Variants in IL19 observed in about 807,000 individuals in gnomAD.
IL19 encodes the protein interleukin 19.
Under a neutral mutation model 19.5 loss-of-function variants are expected in IL19, and 15 were observed. That is an observed-to-expected ratio of 0.77 (90% CI 0.52 to 1.19). The LOEUF (loss-of-function observed/expected upper bound fraction) is 1.19. IL19 is among the 50% of genes most tolerant of loss of function. The pLI, the probability that IL19 is intolerant of heterozygous loss-of-function variation, is 0.00. For synonymous variants in IL19, 78 were observed against 78.3 expected, an observed-to-expected ratio of 1.00 and a Z score of 0.02; for missense variants, 199 against 213.1, an observed-to-expected ratio of 0.93 and a Z score of 0.41.
intron 2 of IL19, chr1:206,828,974 A>G (rs1376451577): frequency 2.0e-5 from 3 of 149,582 alleles, no homozygotes; most frequent in Non-Finnish European, 4.4e-5. Context: ...ACAGGTGTGC[A>G]TGAGGACTAC....
intron 2 of IL19, among the ~76,000 whole-genome samples, chr1:206,819,104 C>T (rs896128592): frequency 6.6e-6 from 1 of 151,904 alleles, no homozygotes; most frequent in Non-Finnish European, 1.5e-5. Context: ...AGCCACCACA[C>T]CCAGCTTATT....
chr1:206,802,104 A>G (rs2102461658), intron 2 of IL19, among the ~76,000 whole-genome samples: 1 of 152,334 alleles, frequency 6.6e-6, no homozygotes. Context: ...TGCATCAGTG[A>G]ATGCACCAGG....
intron 2 of IL19, among the ~76,000 whole-genome samples, chr1:206,823,669 A>T (rs372318449): frequency 6.6e-6 from 1 of 151,872 alleles, no homozygotes; most frequent in Non-Finnish European, 1.5e-5. Context: ...TGTGTTCTCT[A>T]TAATTTTTCC....
chr1:206,832,727 A>G (rs966596376), intron 2 of IL19, among the ~76,000 whole-genome samples: 2 of 152,182 alleles, frequency 1.3e-5, no homozygotes, highest in Admixed American at 6.5e-5. Flanking sequence ...GCTACCAAGA[A>G]GAGAAGGGAG....
chr1:206,819,536 A>G (rs917672383), intron 2 of IL19, among the ~76,000 whole-genome samples: 1 of 151,486 alleles, frequency 6.6e-6, no homozygotes, highest in Non-Finnish European at 1.5e-5. Context: ...GTGAGCCAAG[A>G]TGTGACACTA....
At chr1:206,827,404 CT>C (rs1676463334) in intron 2 of IL19, among the ~76,000 whole-genome samples, 1 of 152,130 alleles carries the variant, frequency 6.6e-6, no homozygotes, top group South Asian at 2.1e-4. Context: ...CAAAACGCTT[CT>C]CTCGGCCGGG....
chr1:206,822,553 C>T (rs1200568260), intron 2 of IL19, among the ~76,000 whole-genome samples: 1 of 152,220 alleles, frequency 6.6e-6, no homozygotes, highest in Non-Finnish European at 1.5e-5. Flanking sequence ...AGTGTTTAAA[C>T]TCTTTTAACT....
intron 1 of IL19, among the ~76,000 whole-genome samples, chr1:206,786,460 G>C (rs911297763): frequency 6.6e-6 from 1 of 152,178 alleles, no homozygotes; most frequent in Non-Finnish European, 1.5e-5. Context: ...GTGTGAGTGA[G>C]GGTTGGCTGG....
chr1:206,803,514 C>T (rs1253665364), intron 2 of IL19, among the ~76,000 whole-genome samples: 1 of 152,060 alleles, frequency 6.6e-6, no homozygotes. Context: ...TTGGCCAGCC[C>T]ACAACAAAGA....
intron 1 of IL19, among the ~76,000 whole-genome samples, chr1:206,796,020 T>C (rs1675514592): frequency 6.6e-6 from 1 of 151,410 alleles, no homozygotes; most frequent in African/African-American, 2.4e-5. Flanking sequence ...AGAAGCCCCA[T>C]GATCACCTGT....
At position 206,785,446 on chromosome 1, in the gene IL19, C is replaced by T. The variant is rs1366449642; in HGVS notation, c.-148-13415C>T. Among the ~76,000 whole-genome samples, 5 of 152,156 alleles carry T rather than the reference C, an allele frequency of 3.3e-5. No homozygotes were observed. In the South Asian group the frequency reaches 1.0e-3, roughly 32 times the overall value. ...GGTGGGAAAGAAGCCATGAAAATAA[C>T]ACTGAAATCCCTGGGTGGTTCTAAT... On this transcript the variant is annotated intron_variant, in intron 1 of 6. Coordinates refer to ENST00000659997, the MANE Select transcript of IL19 (RefSeq NM_153758.5).
intron 2 of IL19, among the ~76,000 whole-genome samples, chr1:206,819,580 T>TTA (rs537824286): frequency 6.9e-6 from 1 of 145,278 alleles, no homozygotes; most frequent in Admixed American, 6.8e-5. Context: ...AGACTCCGTC[T>TTA]AAAAAAAAAA....
intron 1 of IL19, among the ~76,000 whole-genome samples, chr1:206,779,107 G>C (rs1461110742): frequency 2.0e-5 from 3 of 152,178 alleles, no homozygotes; most frequent in Non-Finnish European, 4.4e-5. Flanking sequence ...ACAAATCTAA[G>C]CCCAGGGCAT....
intron 2 of IL19, among the ~76,000 whole-genome samples, chr1:206,830,378 A>G (rs1001850774): frequency 5.3e-5 from 8 of 152,166 alleles, no homozygotes; most frequent in African/African-American, 1.9e-4. Flanking sequence ...AAAACAAAAC[A>G]AAGGAGAAAC....
At chr1:206,807,817 G>A (rs1045360157) in intron 2 of IL19, among the ~76,000 whole-genome samples, 2 of 151,990 alleles carry the variant, frequency 1.3e-5, no homozygotes, top group Admixed American at 6.5e-5. Flanking sequence ...GTAGGAGGAA[G>A]GCAAAAAGAA....
rs575514856 is a variant in IL19 at position 206,807,222 on chromosome 1, T to C, written c.-3+8216T>C. On this transcript the variant is annotated intron_variant, in intron 2 of 6. Coordinates refer to ENST00000659997, the MANE Select transcript of IL19 (RefSeq NM_153758.5). ...ATTACCTCCCACCAGGTCCCTCCCA[T>C]GACATGTGGGAATTATGGGAACTAC... 5.9e-5 allele frequency among the ~76,000 whole-genome samples: 9 copies of C among 152,224 alleles called. No individual in the cohort carries two copies. In the South Asian group the frequency reaches 1.9e-3, roughly 32 times the overall value.
chr1:206,825,559 C>G (rs1488900305), intron 2 of IL19, among the ~76,000 whole-genome samples: 2 of 152,226 alleles, frequency 1.3e-5, no homozygotes, highest in African/African-American at 2.4e-5. Context: ...TCTCCAACCC[C>G]TTCTGAATCT....
In IL19 at chr1:206,801,899, T is replaced by C. The variant is rs188670195; in HGVS notation, c.-3+2893T>C. ...TACCTGGGTATCTTGACTGTTGGGA[T>C]TGAGGTAGGATGAAGGCAGCTTTGG... On this transcript the variant is annotated intron_variant, in intron 2 of 6. Transcript: ENST00000659997. Among the ~76,000 whole-genome samples, 3 of 152,246 alleles carry C rather than the reference T, an allele frequency of 2.0e-5. No individual in the cohort carries two copies. In the East Asian group the frequency reaches 5.8e-4, roughly 29 times the overall value.
chr1:206,783,067 T>C (rs544637806), intron 1 of IL19, among the ~76,000 whole-genome samples: 1 of 152,328 alleles, frequency 6.6e-6, no homozygotes, highest in East Asian at 1.9e-4. Context: ...ACACAGTAGG[T>C]GAGCTCTAAG....
Sources: allele counts gnomAD v4.1 joint callset (sites outside exome capture counted in the v4.1 genomes callset), GRCh38; gene constraint gnomAD v4.1.1; transcripts MANE v1.5; gene names NCBI Gene and HGNC (gene_info 2026-07-23, HGNC 2026-07-21).